Variants in MBOAT2 observed in about 807,000 individuals in gnomAD.
MBOAT2 encodes the protein membrane-bound glycerophospholipid O-acyltransferase 2.
In MBOAT2, 28 loss-of-function variants were observed where a neutral mutation model predicts 63.4. That is an observed-to-expected ratio of 0.44 (90% CI 0.33 to 0.61). The LOEUF (loss-of-function observed/expected upper bound fraction) is 0.61, where lower values mean the gene tolerates loss of function less well. Among genes scored for constraint, MBOAT2 ranks in the 20% least tolerant of loss-of-function variants. The probability of loss-of-function intolerance (pLI) is 0.03; values close to 1 mark genes in which losing one functional copy is unlikely to be tolerated. For synonymous variants in MBOAT2, 211 were observed against 215.6 expected, an observed-to-expected ratio of 0.98 and a Z score of 0.19; for missense variants, 470 against 605.8, an observed-to-expected ratio of 0.78 and a Z score of 2.35.
intron 11 of MBOAT2, among the ~76,000 whole-genome samples, chr2:8,861,427 T>C (rs762171267): frequency 6.6e-6 from 1 of 152,096 alleles, no homozygotes; most frequent in Non-Finnish European, 1.5e-5. Context: ...GGGAGGGAGT[T>C]AGGTACAGTT....
intron 1 of MBOAT2, among the ~76,000 whole-genome samples, chr2:8,998,822 T>C (rs535435946): frequency 6.6e-6 from 1 of 152,212 alleles, no homozygotes; most frequent in Admixed American, 6.5e-5. Flanking sequence ...AACAATGATC[T>C]ACCAAAAATA....
At chr2:8,981,374 T>C (rs1315263075) in intron 1 of MBOAT2, among the ~76,000 whole-genome samples, 1 of 152,216 alleles carries the variant, frequency 6.6e-6, no homozygotes, top group Non-Finnish European at 1.5e-5. Flanking sequence ...GCATTATCTT[T>C]ACATAATAAT....
chr2:8,878,102 C>T (rs960059279), intron 6 of MBOAT2, among the ~76,000 whole-genome samples: 7 of 152,152 alleles, frequency 4.6e-5, no homozygotes, highest in Non-Finnish European at 1.0e-4. Context: ...GAGGAGGGGG[C>T]AGATGCTCTG....
At chr2:8,994,590 G>T (rs758425308) in intron 1 of MBOAT2, among the ~76,000 whole-genome samples, 2 of 152,230 alleles carry the variant, frequency 1.3e-5, no homozygotes, top group Non-Finnish European at 2.9e-5. Flanking sequence ...CTGGCCTCAT[G>T]ACATAAATGC....
chr2:8,998,917 C>T (rs1215095066), intron 1 of MBOAT2, among the ~76,000 whole-genome samples: 1 of 152,112 alleles, frequency 6.6e-6, no homozygotes, highest in Non-Finnish European at 1.5e-5. Flanking sequence ...ACACACACAC[C>T]CGTGAAGCTA....
At chr2:8,997,861 C>G (rs1672416953) in intron 1 of MBOAT2, among the ~76,000 whole-genome samples, 2 of 152,178 alleles carry the variant, frequency 1.3e-5, no homozygotes, top group Non-Finnish European at 2.9e-5. Context: ...ACTACTTCCT[C>G]TTAATGAAGG....
intron 6 of MBOAT2, among the ~76,000 whole-genome samples, chr2:8,878,350 C>T (rs149489431): frequency 2.0e-5 from 3 of 152,252 alleles, no homozygotes; most frequent in South Asian, 2.1e-4. Context: ...GCCTACTGTC[C>T]ACTGTTAATG....
chr2:8,969,809 A>G (rs1004546067), intron 1 of MBOAT2, among the ~76,000 whole-genome samples: 12 of 152,246 alleles, frequency 7.9e-5, no homozygotes, highest in Non-Finnish European at 1.5e-4. Context: ...CAATTCAACA[A>G]GAAGAGCTAA....
At position 8,866,193 on chromosome 2, in the gene MBOAT2, A is replaced by G. The variant is rs189739888; in HGVS notation, c.988-1959T>C. Among the ~76,000 whole-genome samples, 90 of 152,272 alleles carry G rather than the reference A, an allele frequency of 5.9e-4. 1 individual carries two copies. Among genetic ancestry groups the G allele is most frequent in the African/African-American group, 2.1e-3 (88 of 41,544 alleles). On this transcript the variant is annotated intron_variant, in intron 9 of 12. Coordinates refer to ENST00000305997, the MANE Select transcript of MBOAT2 (RefSeq NM_138799.4). ...ACTTTTTCTCATGCCATGCACTCTCAGCAGGGGTGATATCGCCCCCAGGAG... is the reference window on the plus strand; with the variant it reads ...ACTTTTTCTCATGCCATGCACTCTCGGCAGGGGTGATATCGCCCCCAGGAG...
rs570628772 is a variant in MBOAT2 at position 8,954,293 on chromosome 2, C to T, written c.221+4204G>A. 2.0e-5 allele frequency among the ~76,000 whole-genome samples: 3 copies of T among 152,228 alleles called. No homozygotes were observed. In the South Asian group the frequency reaches 6.2e-4, roughly 32 times the overall value. ...AAGCCAGCTGCAGCCAACATAGCTG[C>T]GTATATACTTGATCCTTGTTTACTG... On this transcript the variant is annotated intron_variant, in intron 2 of 12. Coordinates refer to ENST00000305997, the MANE Select transcript of MBOAT2 (RefSeq NM_138799.4).
intron 1 of MBOAT2, among the ~76,000 whole-genome samples, chr2:8,983,741 C>T (rs568319960): frequency 6.6e-6 from 1 of 152,208 alleles, no homozygotes; most frequent in East Asian, 1.9e-4. Flanking sequence ...GAAGAATGTC[C>T]TTTTTTGTAG....
intron 3 of MBOAT2, among the ~76,000 whole-genome samples, chr2:8,941,417 C>G (rs1164328979): frequency 6.6e-6 from 1 of 152,134 alleles, no homozygotes; most frequent in East Asian, 1.9e-4. Flanking sequence ...GCAGCACTAT[C>G]CAATATCATT....
chr2:8,944,685 G>A (rs1277073187), intron 2 of MBOAT2, among the ~76,000 whole-genome samples: 3 of 134,104 alleles, frequency 2.2e-5, no homozygotes, highest in East Asian at 2.1e-4. Context: ...ACACACACAC[G>A]AAAATAATGT....
chr2:8,957,016 A>G (rs775047048), intron 2 of MBOAT2, among the ~76,000 whole-genome samples: 36 of 152,240 alleles, frequency 2.4e-4, no homozygotes, highest in Non-Finnish European at 4.4e-4. Context: ...CCAATGCATT[A>G]TGAAAATATG....
Position 8,980,069 on chromosome 2 carries a change from T to C in MBOAT2, c.76-21427A>G, listed in dbSNP as rs113104926. Among the ~76,000 whole-genome samples the C allele has an allele frequency of 1.2e-3, 182 of 152,280 alleles. 1 individual carries two copies. The highest frequency in any genetic ancestry group is 4.1e-3 in the African/African-American group (170 of 41,572). On this transcript the variant is annotated intron_variant, in intron 1 of 12. Coordinates refer to ENST00000305997, the MANE Select transcript of MBOAT2 (RefSeq NM_138799.4). The stretch of plus-strand genomic sequence containing the variant: ...AGTCAAAGGCAGCAATTGTGAATCA[T>C]AGAAAAGTAGCTCAGTTTTGGTATG...
At chr2:8,970,490 A>G (rs1220976007) in intron 1 of MBOAT2, among the ~76,000 whole-genome samples, 2 of 152,216 alleles carry the variant, frequency 1.3e-5, no homozygotes, top group Non-Finnish European at 2.9e-5. Context: ...CAATCTGAAA[A>G]GCTAGCAGAA....
chr2:8,893,447 A>G (rs1664169802), intron 4 of MBOAT2, among the ~76,000 whole-genome samples: 3 of 152,186 alleles, frequency 2.0e-5, no homozygotes. Flanking sequence ...ACTTTTCTCA[A>G]AACGGTTACC....
intron 3 of MBOAT2, among the ~76,000 whole-genome samples, chr2:8,927,160 C>T (rs915003986): frequency 3.9e-5 from 6 of 152,110 alleles, no homozygotes; most frequent in Admixed American, 6.6e-5. Flanking sequence ...GGGCGAGACA[C>T]GGGGCAGGAA....
At chr2:8,898,865 G>A (rs906315587) in intron 4 of MBOAT2, among the ~76,000 whole-genome samples, 1 of 152,184 alleles carries the variant, frequency 6.6e-6, no homozygotes, top group Non-Finnish European at 1.5e-5. Context: ...AGGTTATAGG[G>A]GTTGGGTACA....
Sources: allele counts gnomAD v4.1 joint callset (sites outside exome capture counted in the v4.1 genomes callset), GRCh38; gene constraint gnomAD v4.1.1; transcripts MANE v1.5; gene names NCBI Gene and HGNC (gene_info 2026-07-23, HGNC 2026-07-21).